Variants in CNTN5 observed in about 807,000 individuals in gnomAD.
CNTN5 encodes the protein contactin-5.
CNTN5 carries 77 observed loss-of-function variants against 129.1 expected under a neutral mutation model. That is an observed-to-expected ratio of 0.60 (90% CI 0.50 to 0.72). The LOEUF (loss-of-function observed/expected upper bound fraction) is 0.72. Among genes scored for constraint, CNTN5 ranks in the 30% least tolerant of loss-of-function variants. CNTN5 has a pLI of 0.00. For missense variants in CNTN5, 1,478 were observed against 1,328.8 expected, an observed-to-expected ratio of 1.11 and a Z score of -1.75; for synonymous variants, 509 against 465.6, an observed-to-expected ratio of 1.09 and a Z score of -1.20.
intron 3 of CNTN5, among the ~76,000 whole-genome samples, chr11:99,599,327 G>A (rs961873187): frequency 1.3e-5 from 2 of 152,008 alleles, no homozygotes; most frequent in South Asian, 2.1e-4. Context: ...CATAGCTTGA[G>A]AAGAGAACGA....
At chr11:99,110,865 G>A (rs929462448) in intron 1 of CNTN5, among the ~76,000 whole-genome samples, 2 of 152,104 alleles carry the variant, frequency 1.3e-5, no homozygotes, top group South Asian at 4.1e-4. Flanking sequence ...GAAGAACTGT[G>A]ATAGAAATAG....
chr11:99,032,523 G>A (rs1013106127), intron 1 of CNTN5, among the ~76,000 whole-genome samples: 7 of 151,420 alleles, frequency 4.6e-5, no homozygotes, highest in Admixed American at 2.0e-4. Flanking sequence ...GCCAGTGATG[G>A]TGAGCATTTT....
chr11:100,052,536 A>G (rs1035900461), intron 9 of CNTN5, among the ~76,000 whole-genome samples: 2 of 151,832 alleles, frequency 1.3e-5, no homozygotes, highest in South Asian at 4.1e-4. Flanking sequence ...GAGAATTTGC[A>G]TAACATTTAT....
intron 15 of CNTN5, among the ~76,000 whole-genome samples, chr11:100,219,749 A>C (rs1949221725): frequency 6.6e-6 from 1 of 152,212 alleles, no homozygotes; most frequent in Non-Finnish European, 1.5e-5. Flanking sequence ...CTTCATCATA[A>C]TACACATAAA....
At chr11:100,218,760 G>A (rs1303070079) in intron 15 of CNTN5, among the ~76,000 whole-genome samples, 1 of 152,138 alleles carries the variant, frequency 6.6e-6, no homozygotes, top group African/African-American at 2.4e-5. Context: ...CTGCTTGAAG[G>A]TTCAGAGACT....
At chr11:99,413,775 A>G (rs2089171) in intron 2 of CNTN5, among the ~76,000 whole-genome samples, 64,386 of 151,984 alleles carry the variant, frequency 0.42, 14,325 homozygotes, top group East Asian at 0.8. Flanking sequence ...TGACTCTCTT[A>G]TAGGTGTTTA....
intron 6 of CNTN5, among the ~76,000 whole-genome samples, chr11:99,900,893 T>C (rs900465168): frequency 6.6e-6 from 1 of 152,130 alleles, no homozygotes; most frequent in Admixed American, 6.5e-5. Context: ...GCTAGCCTCA[T>C]ACATGTCTCT....
At chr11:99,486,254 A>G (rs780605312) in intron 2 of CNTN5, among the ~76,000 whole-genome samples, 1 of 152,102 alleles carries the variant, frequency 6.6e-6, no homozygotes, top group African/African-American at 2.4e-5. Context: ...AAACTAATTT[A>G]GATACTCTGA....
chr11:100,190,677 G>T (rs1948453657), intron 13 of CNTN5, among the ~76,000 whole-genome samples: 1 of 151,254 alleles, frequency 6.6e-6, no homozygotes, highest in African/African-American at 2.4e-5. Flanking sequence ...TCTCTTGGCT[G>T]TATACAATTA....
chr11:100,015,360 C>A (rs1044729599), intron 9 of CNTN5, among the ~76,000 whole-genome samples: 2 of 152,024 alleles, frequency 1.3e-5, no homozygotes, highest in African/African-American at 4.8e-5. Context: ...TGTTGAGTTG[C>A]CTTACCAAAG....
intron 2 of CNTN5, among the ~76,000 whole-genome samples, chr11:99,470,078 C>T (rs1591115968): frequency 6.6e-6 from 1 of 152,172 alleles, no homozygotes; most frequent in African/African-American, 2.4e-5. Context: ...GTAACCTGGG[C>T]AGGCTACGTG....
At chr11:99,607,124 T>C (rs1950446123) in intron 3 of CNTN5, among the ~76,000 whole-genome samples, 1 of 123,276 alleles carries the variant, frequency 8.1e-6, no homozygotes, top group Non-Finnish European at 1.7e-5. Flanking sequence ...AAAGAGCTTC[T>C]GCACAGCAAA....
chr11:100,125,945 A>G (rs749162750), intron 13 of CNTN5, among the ~76,000 whole-genome samples: 4 of 152,132 alleles, frequency 2.6e-5, no homozygotes, highest in Admixed American at 6.6e-5. Flanking sequence ...ATGCAGCACT[A>G]TAAACCTTCC....
chr11:99,701,767 A>G (rs1003925245), intron 3 of CNTN5, among the ~76,000 whole-genome samples: 1 of 151,138 alleles, frequency 6.6e-6, no homozygotes, highest in African/African-American at 2.4e-5. Flanking sequence ...TACATTTAGA[A>G]TTGTTCTCTG....
At chr11:99,892,087 C>A (rs1440752415) in intron 6 of CNTN5, among the ~76,000 whole-genome samples, 1 of 152,084 alleles carries the variant, frequency 6.6e-6, no homozygotes, top group Non-Finnish European at 1.5e-5. Flanking sequence ...TAATGATGAG[C>A]TTTTCTTCGT....
chr11:99,056,071 G>A (rs1303599046), intron 1 of CNTN5, among the ~76,000 whole-genome samples: 4 of 151,874 alleles, frequency 2.6e-5, no homozygotes. Context: ...ACATGGATAT[G>A]GGCGGCTGTT....
chr11:99,863,262 GGACAA>G lies in CNTN5; in HGVS notation c.577+18001_577+18005del, dbSNP rs1276293252. Among the ~76,000 whole-genome samples, 3 of 152,012 alleles carry G rather than the reference GGACAA, an allele frequency of 2.0e-5. No homozygotes were observed. In the East Asian group the frequency reaches 5.8e-4, roughly 29 times the overall value. On this transcript the variant is annotated intron_variant, in intron 6 of 24. Transcript: ENST00000524871. The stretch of plus-strand genomic sequence containing the variant: ...AGCAGATGCTTTTCTCTCCATAGAA[GGACAA>G]AGTCAATGAGAGATAATATAGAATG...
chr11:99,791,102 T>C (rs1354054677), intron 3 of CNTN5, among the ~76,000 whole-genome samples: 1 of 110,642 alleles, frequency 9.0e-6, no homozygotes, highest in African/African-American at 3.0e-5. Context: ...TGTTGTTTAC[T>C]TTGTTGATAG....
At chr11:100,109,807 T>A (rs1945584097) in intron 13 of CNTN5, among the ~76,000 whole-genome samples, 1 of 152,186 alleles carries the variant, frequency 6.6e-6, no homozygotes, top group African/African-American at 2.4e-5. Context: ...CATGATGGAA[T>A]GTAAGGCATT....
Sources: gnomAD v4.1 joint callset for allele counts (sites outside exome capture counted in the v4.1 genomes callset) on GRCh38, gnomAD v4.1.1 for gene constraint, MANE v1.5 for transcripts, NCBI Gene and HGNC (gene_info 2026-07-23, HGNC 2026-07-21) for gene names.